The following TRDN variants were observed in gnomAD, a reference collection of about 807,000 sequenced individuals.
TRDN encodes triadin in skeletal muscle.
Under a neutral mutation model 149.7 loss-of-function variants are expected in TRDN, and 161 were observed. The observed-to-expected ratio is 1.08, with a 90% CI of 0.95 to 1.23. The LOEUF is 1.23. Ranked by LOEUF, TRDN falls within the 50% of genes most tolerant of loss-of-function variation. TRDN has a pLI of 0.00. For missense variants in TRDN, 896 were observed against 823.5 expected (o/e 1.09, Z -1.08); for synonymous variants, 294 against 250.5 (o/e 1.17, Z -1.64).
chr6:123,362,101 C>A (rs1245990539), intron 20 of TRDN, among the ~76,000 whole-genome samples: 3 of 152,232 alleles, frequency 2.0e-5, no homozygotes, highest in African/African-American at 7.2e-5. Flanking sequence ...TTCTGGCAGC[C>A]AGTCTGAAGA....
intron 2 of TRDN, among the ~76,000 whole-genome samples, chr6:123,559,682 T>A (rs1157991124): frequency 6.6e-6 from 1 of 152,152 alleles, no homozygotes; most frequent in Non-Finnish European, 1.5e-5. Flanking sequence ...ACAGCATGGC[T>A]TTTAAAGCCT....
In TRDN at chr6:123,495,703, G is replaced by A. The variant is rs143505776; in HGVS notation, c.853+1490C>T. On this transcript the variant is annotated intron_variant, in intron 9 of 40. Transcript: ENST00000334268. ...TTTTGATATATATAGACTGAAACTT[G>A]TAAGTGTTGAGAGGTTCTCTTCATG... Among the ~76,000 whole-genome samples the A allele has an allele frequency of 3.2e-3, 482 of 152,032 alleles. 2 individuals are homozygous for A. Among genetic ancestry groups the A allele is most frequent in the Middle Eastern group, 0.017 (5 of 294 alleles).
rs1159317423 is a variant in TRDN, at chr6:123,513,716, T to TC, written c.551-1355dup. 5.9e-5 allele frequency among the ~76,000 whole-genome samples: 9 copies of TC among 152,268 alleles called. No homozygotes were observed. In the South Asian group the frequency reaches 1.7e-3, roughly 28 times the overall value. ...TATTTAACTGAAATTTTCTTTTTTT[T>TC]CTGTAGGTTATTGGGGTCCAGGTGG... On this transcript the variant is annotated intron_variant, in intron 6 of 40. Coordinates refer to ENST00000334268, the MANE Select transcript of TRDN (RefSeq NM_006073.4).
At chr6:123,612,277 G>T (rs1319383730) in intron 1 of TRDN, among the ~76,000 whole-genome samples, 1 of 93,244 alleles carries the variant, frequency 1.1e-5, no homozygotes, top group African/African-American at 4.0e-5. Context: ...GGGGAGGGGG[G>T]AGGGATAGCA....
chr6:123,523,378 T>C (rs571141304), intron 5 of TRDN, among the ~76,000 whole-genome samples: 4 of 152,008 alleles, frequency 2.6e-5, no homozygotes, highest in African/African-American at 4.8e-5. Context: ...GGAGGCTGTA[T>C]CTGTGAGAAA....
chr6:123,609,211 C>T (rs187784626), intron 1 of TRDN, among the ~76,000 whole-genome samples: 98 of 151,456 alleles, frequency 6.5e-4, no homozygotes, highest in African/African-American at 2.3e-3. Flanking sequence ...CAGTATTCAA[C>T]AAAAAAGGAT....
chr6:123,224,274 G>T, intron 38 of TRDN, 143 bp from the exon 39 acceptor site: 1 of 714,300 alleles, frequency 1.4e-6, no homozygotes, highest in Non-Finnish European at 2.3e-6. Flanking sequence ...AATAAGAGCT[G>T]TCTGACCAAA....
chr6:123,514,590 T>C (rs1237067638), intron 6 of TRDN, among the ~76,000 whole-genome samples: 1 of 150,390 alleles, frequency 6.6e-6, no homozygotes, highest in Non-Finnish European at 1.5e-5. Context: ...TTCAGAAAAA[T>C]ATTTGAAAAT....
At position 123,453,890 on chromosome 6, in the gene TRDN, G is replaced by GGTGTGT. The variant is rs533210679; in HGVS notation, c.931+11010_931+11015dup. Among the ~76,000 whole-genome samples the GGTGTGT allele has an allele frequency of 1.3e-3, 189 of 148,656 alleles. 1 individual carries two copies. Among genetic ancestry groups the GGTGTGT allele is most frequent in the African/African-American group, 4.0e-3 (164 of 40,594 alleles). On this transcript the variant is annotated intron_variant, in intron 10 of 40. Coordinates refer to ENST00000334268, the MANE Select transcript of TRDN (RefSeq NM_006073.4). ...GTCAATGAGTGGATAAAGAAACTGT[G>GGTGTGT]GTGTGTGTGTGTGTGTGTGTGTGTA...
chr6:123,316,558 T>C (rs555865864), intron 23 of TRDN, 63 bp from the exon 24 acceptor site: 11 of 1,484,010 alleles, frequency 7.4e-6, no homozygotes, highest in African/African-American at 2.8e-5. Context: ...ATTTGAAAAA[T>C]AGTCAGTACA....
chr6:123,431,988 C>G (rs181097933), intron 12 of TRDN, among the ~76,000 whole-genome samples: 332 of 152,180 alleles, frequency 2.2e-3, no homozygotes, highest in African/African-American at 7.8e-3. Context: ...TTAGTTTGTG[C>G]AGAATATTAT....
intron 1 of TRDN, among the ~76,000 whole-genome samples, chr6:123,595,476 G>A (rs983290820): frequency 4.6e-5 from 7 of 152,094 alleles, no homozygotes; most frequent in East Asian, 1.9e-4. Flanking sequence ...TTTGGAAATC[G>A]AAGTGAGAAA....
chr6:123,407,724 A>C (rs1317840896), intron 12 of TRDN, among the ~76,000 whole-genome samples: 1 of 152,156 alleles, frequency 6.6e-6, no homozygotes, highest in East Asian at 1.9e-4. Flanking sequence ...ATTTTGAAGG[A>C]TCAAACAGCA....
At chr6:123,428,006 A>G (rs1453353759) in intron 12 of TRDN, among the ~76,000 whole-genome samples, 1 of 152,250 alleles carries the variant, frequency 6.6e-6, no homozygotes, top group East Asian at 1.9e-4. Flanking sequence ...GTTATTCTCT[A>G]AATAAAAATA....
intron 7 of TRDN, chr6:123,509,830 T>A (rs1008900540): frequency 6.6e-6 from 1 of 152,176 alleles, no homozygotes; most frequent in African/African-American, 2.4e-5. Context: ...AAAAAGATGC[T>A]TGAAGACCTG....
intron 9 of TRDN, among the ~76,000 whole-genome samples, chr6:123,474,771 T>A (rs1309914037): frequency 6.6e-6 from 1 of 151,702 alleles, no homozygotes; most frequent in African/African-American, 2.4e-5. Context: ...ATTAAGAATC[T>A]CACTCAAAAC....
At chr6:123,221,845 C>A (rs1396276074) in intron 39 of TRDN, among the ~76,000 whole-genome samples, 1 of 151,680 alleles carries the variant, frequency 6.6e-6, no homozygotes, top group African/African-American at 2.4e-5. Context: ...GAGAAGGGAT[C>A]TTTGATGCTC....
chr6:123,514,022 T>C (rs1779303993), intron 6 of TRDN, among the ~76,000 whole-genome samples: 1 of 152,168 alleles, frequency 6.6e-6, no homozygotes, highest in African/African-American at 2.4e-5. Flanking sequence ...CTTCGTATCA[T>C]ACACTGAGAT....
At chr6:123,309,832 C>T (rs575875709) in intron 24 of TRDN, among the ~76,000 whole-genome samples, 1 of 151,886 alleles carries the variant, frequency 6.6e-6, no homozygotes, top group African/African-American at 2.4e-5. Flanking sequence ...CATTTGTTAC[C>T]ATAAAATATA....
Sources: allele counts gnomAD v4.1 joint callset (sites outside exome capture counted in the v4.1 genomes callset), GRCh38; gene constraint gnomAD v4.1.1; transcripts MANE v1.5; gene names NCBI Gene and HGNC (gene_info 2026-07-23, HGNC 2026-07-21).